KCNH1: variants seen among roughly 807,000 people sequenced by gnomAD.
The protein encoded by KCNH1 is potassium voltage-gated channel subfamily H member 1.
In KCNH1, 27 loss-of-function variants were observed where a neutral mutation model predicts 69.2. The ratio of observed to expected loss-of-function variants is 0.39; its 90% CI spans 0.29 to 0.54. The LOEUF is 0.54. Among genes scored for constraint, KCNH1 ranks in the 20% least tolerant of loss-of-function variants. KCNH1 has a pLI of 0.68. For synonymous variants in KCNH1, 456 were observed against 487.7 expected (o/e 0.93, Z 0.86); for missense variants, 798 against 1,261.6 (o/e 0.63, Z 5.57).
intron 5 of KCNH1, among the ~76,000 whole-genome samples, chr1:211,050,430 T>A (rs997241005): frequency 2.0e-4 from 31 of 152,042 alleles, no homozygotes; most frequent in Non-Finnish European, 2.9e-5. Context: ...GCAGGTGCTA[T>A]TTTTAGGACT....
At chr1:210,772,510 CTT>C (rs35948855) in intron 10 of KCNH1, among the ~76,000 whole-genome samples, 1 of 143,944 alleles carries the variant, frequency 6.9e-6, no homozygotes, top group Admixed American at 6.9e-5. Flanking sequence ...TGACAAGCCT[CTT>C]TTTTTTTTTT....
intron 10 of KCNH1, among the ~76,000 whole-genome samples, chr1:210,721,944 A>C (rs1682475703): frequency 6.6e-6 from 1 of 152,162 alleles, no homozygotes; most frequent in South Asian, 2.1e-4. Context: ...TCTGTTTCTA[A>C]ATGGACTCAG....
chr1:210,920,138 C>G, intron 6 of KCNH1, 69 bp from the exon 7 acceptor site: 1 of 1,379,260 alleles, frequency 7.3e-7, no homozygotes, highest in South Asian at 1.3e-5. Context: ...CTCCGCCCCA[C>G]TTGGGCCATT....
Position 210,683,983 on chromosome 1 carries a change from T to C in KCNH1, c.2268A>G (p.Arg756=). ...QQKEARLAAE[R]GGRDLDDLDV... ...CTAGGTCATCCAGGTCCCGGCCCCC[T>C]CTCTCAGCTGCCAGCCTGGCCTCTT... is the stretch of plus-strand genomic sequence containing the variant. Residue 756 remains arginine (R), a synonymous_variant, in exon 11 of 11, where the codon AGA becomes AGG. Coordinates refer to ENST00000271751, the MANE Select transcript of KCNH1 (RefSeq NM_172362.3). This position sits in a 1 kb window ranked among gnomAD's most constrained non-coding sequence, Gnocchi z 5.7. The C allele has an allele frequency of 6.3e-7, 1 of 1,599,314 alleles. No individual in the cohort carries two copies. The highest frequency in any genetic ancestry group is 1.3e-5 in the African/African-American group (1 of 74,814).
In KCNH1 at chr1:211,103,609, ACAAC is replaced by A; in HGVS notation, c.204-11_204-8del. ...CAGCTCCCCATACATAAAACTGCAA[ACAAC>A]CAAAGAACTCAAGTTAGATTAAGAA... is the stretch of plus-strand genomic sequence containing the variant. On this transcript the variant is annotated splice_polypyrimidine_tract_variant and splice_region_variant and intron_variant, in intron 2 of 10. Coordinates refer to ENST00000271751, the MANE Select transcript of KCNH1 (RefSeq NM_172362.3). The A allele has an allele frequency of 6.4e-7, 1 of 1,567,760 alleles. No individual in the cohort carries two copies. Among genetic ancestry groups the A allele is most frequent in the South Asian group, 1.1e-5 (1 of 88,266 alleles).
intron 10 of KCNH1, among the ~76,000 whole-genome samples, chr1:210,757,215 A>G (rs989844589): frequency 1.3e-5 from 2 of 152,136 alleles, no homozygotes; most frequent in African/African-American, 4.8e-5. Context: ...TTAAAGCAGC[A>G]GGCCATTGGC....
At chr1:210,921,143 C>T (rs947403775) in intron 6 of KCNH1, among the ~76,000 whole-genome samples, 1 of 152,232 alleles carries the variant, frequency 6.6e-6, no homozygotes, top group Non-Finnish European at 1.5e-5. Flanking sequence ...TCTCCATACA[C>T]TAACATACTC....
chr1:210,984,648 T>C (rs548820765), intron 6 of KCNH1, among the ~76,000 whole-genome samples: 1 of 152,170 alleles, frequency 6.6e-6, no homozygotes, highest in African/African-American at 2.4e-5. Context: ...TGGCTAAGCA[T>C]GGATAAGCTT....
At chr1:210,976,627 C>A (rs1335228564) in intron 6 of KCNH1, among the ~76,000 whole-genome samples, 1 of 147,088 alleles carries the variant, frequency 6.8e-6, no homozygotes, top group Non-Finnish European at 1.5e-5. Context: ...GATTATAAAT[C>A]ATGCTGCTAT....
At chr1:210,866,065 T>C (rs1031493269) in intron 7 of KCNH1, among the ~76,000 whole-genome samples, 22 of 152,182 alleles carry the variant, frequency 1.4e-4, no homozygotes, top group African/African-American at 5.3e-4. Context: ...GATATCTGCA[T>C]GCAAGTGAAT....
chr1:210,849,365 C>CTTTTTT (rs150451228), intron 7 of KCNH1, among the ~76,000 whole-genome samples: 3 of 128,042 alleles, frequency 2.3e-5, no homozygotes, highest in Admixed American at 8.1e-5. Context: ...TTCTTTCTTT[C>CTTTTTT]TTTTTTTTTT....
intron 8 of KCNH1, among the ~76,000 whole-genome samples, chr1:210,801,452 C>T (rs1391132070): frequency 6.6e-6 from 1 of 152,198 alleles, no homozygotes; most frequent in Non-Finnish European, 1.5e-5. Flanking sequence ...AGTGAGTAGC[C>T]ACAGTTGGGT....
intron 7 of KCNH1, among the ~76,000 whole-genome samples, chr1:210,818,123 T>G (rs918065609): frequency 1.3e-5 from 2 of 152,106 alleles, no homozygotes; most frequent in Non-Finnish European, 2.9e-5. Flanking sequence ...CAGGACTCCT[T>G]GGGGCTCAAA....
intron 7 of KCNH1, among the ~76,000 whole-genome samples, chr1:210,898,576 G>T (rs576196322): frequency 6.6e-6 from 1 of 152,020 alleles, no homozygotes; most frequent in South Asian, 2.1e-4. Flanking sequence ...GAAAGGAGCA[G>T]AACTCACTGC....
At chr1:211,096,657 A>G (rs536142434) in intron 3 of KCNH1, among the ~76,000 whole-genome samples, 1 of 152,312 alleles carries the variant, frequency 6.6e-6, no homozygotes, top group Admixed American at 6.5e-5. Flanking sequence ...TGTAGGTAAG[A>G]TTCCATTTTA....
chr1:210,988,086 T>A (rs574944037), intron 6 of KCNH1, among the ~76,000 whole-genome samples: 1 of 152,330 alleles, frequency 6.6e-6, no homozygotes, highest in African/African-American at 2.4e-5. Flanking sequence ...CTGAGCCAGG[T>A]GCAGGATATA....
intron 7 of KCNH1, among the ~76,000 whole-genome samples, chr1:210,866,147 C>T (rs969341496): frequency 6.6e-6 from 1 of 152,160 alleles, no homozygotes; most frequent in Non-Finnish European, 1.5e-5. Context: ...ATTGTAAGAA[C>T]TAATGCTCTA....
intron 3 of KCNH1, 140 bp from the exon 4 acceptor site, chr1:211,090,830 T>C (rs1691038780): frequency 1.3e-6 from 1 of 763,072 alleles, no homozygotes; most frequent in Non-Finnish European, 2.0e-6. Context: ...TGCTGGGTTA[T>C]CACACCATAA....
In KCNH1 at chr1:211,126,989, G is replaced by A. The variant is rs1456949631; in HGVS notation, c.79+6878C>T. Among the ~76,000 whole-genome samples the A allele has an allele frequency of 3.3e-5, 5 of 152,306 alleles. No homozygotes were observed. In the East Asian group the frequency reaches 9.6e-4, roughly 29 times the overall value. On this transcript the variant is annotated intron_variant, in intron 1 of 10. Transcript: ENST00000271751. Reference sequence around the variant, plus strand: ...CTATAAAATCTAAGAATAATTTTGGGTGAGGTGTTTATAAAGGAAAAATAT... The same window carrying A: ...CTATAAAATCTAAGAATAATTTTGGATGAGGTGTTTATAAAGGAAAAATAT...
Sources: allele counts gnomAD v4.1 joint callset (sites outside exome capture counted in the v4.1 genomes callset), GRCh38; gene constraint gnomAD v4.1.1; non-coding constraint Gnocchi (gnomAD v3.1); transcripts MANE v1.5; gene names NCBI Gene and HGNC (gene_info 2026-07-23, HGNC 2026-07-21).